RUFY2: variants seen among roughly 807,000 people sequenced by gnomAD.
RUFY2 encodes the protein RUN and FYVE domain-containing protein 2.
A neutral mutation model predicts 94.4 loss-of-function variants in RUFY2; 49 were observed. The observed-to-expected ratio is 0.52, with a 90% CI of 0.41 to 0.66. RUFY2 has a LOEUF of 0.66. Ranked by LOEUF, RUFY2 falls within the 30% of genes least tolerant of loss-of-function variation. The pLI is 0.00. For synonymous variants in RUFY2, 255 were observed against 235.7 expected, an observed-to-expected ratio of 1.08 and a Z score of -0.75; for missense variants, 541 against 692.8, an observed-to-expected ratio of 0.78 and a Z score of 2.46.
intron 11 of RUFY2, among the ~76,000 whole-genome samples, chr10:68,380,278 G>A (rs1371256727): frequency 1.3e-5 from 2 of 152,044 alleles, no homozygotes; most frequent in African/African-American, 4.8e-5. Context: ...GCCGGGTGCA[G>A]TGGCTCTTTG....
chr10:68,341,143 G>C, downstream of RUFY2: 2 of 1,449,862 alleles, frequency 1.4e-6, no homozygotes, highest in Non-Finnish European at 1.9e-6. Context: ...ATTCTCAATA[G>C]AAAAGTAAAT....
At chr10:68,341,564 C>T (rs752092663), downstream of RUFY2, 1 of 1,499,648 alleles carries the variant, frequency 6.7e-7, no homozygotes, top group Non-Finnish European at 9.2e-7. Flanking sequence ...TCCCCTGTTA[C>T]TCTTTCTTTT....
intron 13 of RUFY2, among the ~76,000 whole-genome samples, chr10:68,366,744 A>G (rs1372304494): frequency 7.2e-6 from 1 of 138,040 alleles, no homozygotes; most frequent in Non-Finnish European, 1.5e-5. Context: ...TCTAAAATAT[A>G]TATATATATA....
chr10:68,393,335 GAAT>G (rs2050143202), intron 6 of RUFY2, 132 bp from the exon 7 acceptor site: 4 of 534,002 alleles, frequency 7.5e-6, no homozygotes, highest in Middle Eastern at 4.9e-4. Context: ...TAAAACATAA[GAAT>G]AATAGTAAAC....
intron 17 of RUFY2, 31 bp downstream of exon 17, chr10:68,345,976 A>G (rs1256282062): frequency 5.6e-6 from 9 of 1,612,260 alleles, no homozygotes; most frequent in South Asian, 5.5e-5. Context: ...TTGCACTCCA[A>G]ATTTTTGGAC....
intron 7 of RUFY2, among the ~76,000 whole-genome samples, chr10:68,386,498 C>T (rs764424585): frequency 1.3e-5 from 2 of 152,032 alleles, no homozygotes; most frequent in Non-Finnish European, 2.9e-5. Flanking sequence ...TACAGGCGTG[C>T]GCCACCATGC....
chr10:68,404,942 G>C, intron 1 of RUFY2, 98 bp from the exon 2 acceptor site: 1 of 984,242 alleles, frequency 1.0e-6, no homozygotes. Flanking sequence ...ACAGTAGTTT[G>C]CTGTTCCTTG....
chr10:68,367,319 T>G (rs2047919708), intron 13 of RUFY2, among the ~76,000 whole-genome samples: 1 of 152,226 alleles, frequency 6.6e-6, no homozygotes, highest in Non-Finnish European at 1.5e-5. Context: ...GTGTTCTTCA[T>G]GTGTTTCATT....
chr10:68,360,177 G>A (rs1219225798), intron 15 of RUFY2, among the ~76,000 whole-genome samples: 1 of 151,960 alleles, frequency 6.6e-6, no homozygotes, highest in African/African-American at 2.4e-5. Flanking sequence ...GCTCAAGCCT[G>A]TAATCCCAAC....
intron 13 of RUFY2, among the ~76,000 whole-genome samples, chr10:68,366,066 C>T (rs2047786538): frequency 6.6e-6 from 1 of 152,028 alleles, no homozygotes; most frequent in Admixed American, 6.6e-5. Context: ...GTGGCTCATG[C>T]CTGTAATCAC....
chr10:68,352,054 CAAA>C (rs147046243), intron 16 of RUFY2, among the ~76,000 whole-genome samples: 2 of 93,416 alleles, frequency 2.1e-5, no homozygotes, highest in African/African-American at 4.0e-5. Flanking sequence ...AAGACTGTCT[CAAA>C]AAAAAAAAAA....
chr10:68,396,477 T>C (rs954775749), intron 4 of RUFY2, among the ~76,000 whole-genome samples: 1 of 152,072 alleles, frequency 6.6e-6, no homozygotes, highest in Non-Finnish European at 1.5e-5. Flanking sequence ...CAGAAATGTA[T>C]TATATACGGC....
chr10:68,368,054 C>T (rs1461064320), intron 13 of RUFY2, among the ~76,000 whole-genome samples: 1 of 151,856 alleles, frequency 6.6e-6, no homozygotes, highest in African/African-American at 2.4e-5. Context: ...CAACCTCCGC[C>T]TCCCGGGTTC....
rs762505758 is a variant in RUFY2, at chr10:68,404,839, T to C, written c.10A>G (p.Lys4Glu). 11 of 1,550,430 alleles carry C rather than the reference T, an allele frequency of 7.1e-6. No homozygotes were observed. The highest frequency in any genetic ancestry group is 9.6e-6 in the Non-Finnish European group (11 of 1,148,920). The change falls in exon 2 of 18, where the codon AAA (lysine) becomes GAA (glutamate). Residue 4 changes from lysine (K) to glutamate (E), a missense_variant. Physicochemically the swap from Lys to Glu is moderately conservative, Grantham distance 56. Around this residue, in one of 3 missense-constraint regions of RUFY2, gnomAD observed 53 missense variants for 58.6 expected, o/e 0.90. Transcript: ENST00000602465. MAT[K>E]DPTAVERANL... Reference sequence around the variant, plus strand: ...GCTCTCTCTACAGCTGTGGGGTCTTTTGTAGCTGAAAACACAAGAAAGGAA... The same window carrying C: ...GCTCTCTCTACAGCTGTGGGGTCTTCTGTAGCTGAAAACACAAGAAAGGAA...
chr10:68,394,085 T>G lies in RUFY2; in HGVS notation c.574A>C (p.Asn192His), dbSNP rs748673817. 1 of 1,504,986 alleles carries G rather than the reference T, an allele frequency of 6.6e-7. No homozygotes were observed. Among genetic ancestry groups the G allele is most frequent in the Admixed American group, 2.4e-5 (1 of 42,224 alleles). 93.2% of individuals were successfully genotyped at this position (1,504,986 alleles called of 1,614,324 possible). The change falls in exon 6 of 18, where the codon AAT (asparagine) becomes CAT (histidine). Residue 192 changes from asparagine to histidine, a missense_variant. This residue lies in a region of RUFY2 where 403 missense variants were observed against 480.7 expected (regional missense o/e 0.84). Coordinates refer to ENST00000602465, the MANE Select transcript of RUFY2 (RefSeq NM_001330103.2). ...MYLKNEEDIGNKERNVQIAAI... is the reference protein window; with the variant it reads ...MYLKNEEDIGHKERNVQIAAI... ...TTATGAAAATCATACCTTTCTTTAT[T>G]TCCAATATCTTCTTCATTCTTTAAA... is the stretch of plus-strand genomic sequence containing the variant.
chr10:68,356,750 C>A lies in RUFY2; in HGVS notation c.1551-1349G>T, dbSNP rs1416641304. On this transcript the variant is annotated intron_variant, in intron 15 of 17. Transcript: ENST00000602465. Reference sequence around the variant, plus strand: ...TTTTAGTAGAGACCGGGTTTCACCACGTTGGCCAGGCTGGTCTCGAACTCC... The same window carrying A: ...TTTTAGTAGAGACCGGGTTTCACCAAGTTGGCCAGGCTGGTCTCGAACTCC... Among the ~76,000 whole-genome samples the A allele has an allele frequency of 4.6e-5, 7 of 151,764 alleles. No homozygotes were observed. In the East Asian group the frequency reaches 1.4e-3, roughly 31 times the overall value.
intron 1 of RUFY2, chr10:68,405,320 A>AAG: frequency 3.2e-6 from 1 of 312,552 alleles, no homozygotes; most frequent in Non-Finnish European, 4.6e-6. Flanking sequence ...TCACAAAAAA[A>AAG]AAAAAAAGAA....
At chr10:68,361,543 C>A (rs1401130138) in intron 15 of RUFY2, among the ~76,000 whole-genome samples, 1 of 152,182 alleles carries the variant, frequency 6.6e-6, no homozygotes, top group Non-Finnish European at 1.5e-5. Flanking sequence ...GCTCAAAGTG[C>A]TCAATAAATG....
At chr10:68,390,374 T>C (rs1408316401) in intron 7 of RUFY2, among the ~76,000 whole-genome samples, 1 of 152,156 alleles carries the variant, frequency 6.6e-6, no homozygotes, top group Non-Finnish European at 1.5e-5. Context: ...AAATAAAAAT[T>C]ATTCATAATC....
Sources: allele counts gnomAD v4.1 joint callset (sites outside exome capture counted in the v4.1 genomes callset), GRCh38; gene constraint gnomAD v4.1.1; regional missense constraint gnomAD v4.1.1; transcripts MANE v1.5; gene names NCBI Gene and HGNC (gene_info 2026-07-23, HGNC 2026-07-21).